NKAIN3: variants seen among roughly 807,000 people sequenced by gnomAD.
NKAIN3 encodes the protein sodium/potassium transporting ATPase interacting 3, also known as sodium/potassium-transporting ATPase subunit beta-1-interacting protein 3.
A neutral mutation model predicts 30.2 loss-of-function variants in NKAIN3; 25 were observed. The observed-to-expected ratio is 0.83, with a 90% CI of 0.60 to 1.16. NKAIN3 has a LOEUF of 1.16. Among genes scored for constraint, NKAIN3 ranks in the 50% most tolerant of loss-of-function variants. NKAIN3 has a pLI of 0.00. For synonymous variants in NKAIN3, 91 were observed against 89.6 expected, an observed-to-expected ratio of 1.02 and a Z score of -0.09; for missense variants, 225 against 254.1, an observed-to-expected ratio of 0.89 and a Z score of 0.78.
chr8:62,423,663 A>G (rs1254268100), intron 1 of NKAIN3, among the ~76,000 whole-genome samples: 2 of 151,784 alleles, frequency 1.3e-5, no homozygotes, highest in African/African-American at 4.8e-5. Flanking sequence ...AATTAAGATT[A>G]TTTTTCAGCT....
In NKAIN3 at chr8:62,898,695, G is replaced by A. The variant is rs186674697; in HGVS notation, c.472-19758G>A. On this transcript the variant is annotated intron_variant, in intron 4 of 6. Coordinates refer to ENST00000623646, the MANE Select transcript of NKAIN3 (RefSeq NM_001304533.3). Reference sequence around the variant, plus strand: ...GCAAAAATTTCTTGAACAATACCCCGCAAGCACAGGCAAACAAAGCAAAAA... The same window carrying A: ...GCAAAAATTTCTTGAACAATACCCCACAAGCACAGGCAAACAAAGCAAAAA... Among the ~76,000 whole-genome samples the A allele has an allele frequency of 1.5e-3, 235 of 152,146 alleles. 1 individual carries two copies. Among genetic ancestry groups the A allele is most frequent in the African/African-American group, 4.7e-3 (197 of 41,520 alleles).
chr8:62,632,433 A>G (rs1811990313), intron 3 of NKAIN3, among the ~76,000 whole-genome samples: 1 of 152,162 alleles, frequency 6.6e-6, no homozygotes, highest in Non-Finnish European at 1.5e-5. Flanking sequence ...CTGAGCAGAA[A>G]ACAAAGTTTC....
chr8:62,396,149 C>T (rs1817755389), intron 1 of NKAIN3, among the ~76,000 whole-genome samples: 1 of 152,036 alleles, frequency 6.6e-6, no homozygotes, highest in Non-Finnish European at 1.5e-5. Context: ...TTAATTATGT[C>T]TCTCTCACAC....
intron 1 of NKAIN3, among the ~76,000 whole-genome samples, chr8:62,407,599 A>T (rs1397709787): frequency 6.6e-6 from 1 of 151,732 alleles, no homozygotes; most frequent in East Asian, 1.9e-4. Flanking sequence ...TAATTTTGTA[A>T]ATTTTGTATT....
chr8:62,944,068 G>A (rs1186160654), intron 5 of NKAIN3, among the ~76,000 whole-genome samples: 2 of 151,898 alleles, frequency 1.3e-5, no homozygotes, highest in Non-Finnish European at 2.9e-5. Flanking sequence ...TATACTGCTT[G>A]GGTGATGGGT....
intron 1 of NKAIN3, among the ~76,000 whole-genome samples, chr8:62,468,248 G>T (rs566992742): frequency 9.2e-5 from 14 of 152,124 alleles, no homozygotes; most frequent in Non-Finnish European, 1.9e-4. Context: ...AATATAAACA[G>T]AAATTAGGAT....
At chr8:62,864,070 C>A in intron 4 of NKAIN3, 1 of 676,376 alleles carries the variant, frequency 1.5e-6, no homozygotes, top group South Asian at 1.6e-5. Context: ...CAACACTTTC[C>A]TGGAGCTCAT....
Position 62,913,155 on chromosome 8 carries a change from T to A in NKAIN3, c.472-5298T>A, listed in dbSNP as rs980113013. Among the ~76,000 whole-genome samples the A allele has an allele frequency of 3.5e-4, 6 of 17,368 alleles. No individual in the cohort carries two copies. In the African/African-American group the frequency reaches 4.0e-3, roughly 12 times the overall value. The allele number at this position is 17,368 out of a possible 152,430, so 11.4% of individuals were successfully genotyped here. A position where few individuals can be genotyped will look rare whatever the true frequency, so the allele number is the denominator to read the frequency against. On this transcript the variant is annotated intron_variant, in intron 4 of 6. Coordinates refer to ENST00000623646, the MANE Select transcript of NKAIN3 (RefSeq NM_001304533.3). Reference sequence around the variant, plus strand: ...CTGAGGCTGTTTTGCATTGAACATTTTTTTTTTTTAGATAGAAGGACTACA... The same window carrying A: ...CTGAGGCTGTTTTGCATTGAACATTATTTTTTTTTAGATAGAAGGACTACA...
chr8:62,735,982 C>T (rs1214189393), intron 3 of NKAIN3, among the ~76,000 whole-genome samples: 7 of 152,104 alleles, frequency 4.6e-5, no homozygotes, highest in Non-Finnish European at 8.8e-5. Context: ...CAAAGGGTTC[C>T]GTGATGTGAT....
chr8:62,729,026 A>ACC (rs1554571480), intron 3 of NKAIN3, among the ~76,000 whole-genome samples: 1 of 73,118 alleles, frequency 1.4e-5, no homozygotes, highest in African/African-American at 5.0e-5. Context: ...AAACAAACCA[A>ACC]AAAAAAAAAA....
At chr8:62,964,844 C>T (rs1271222022) in intron 6 of NKAIN3, among the ~76,000 whole-genome samples, 2 of 151,954 alleles carry the variant, frequency 1.3e-5, no homozygotes, top group Admixed American at 1.3e-4. Context: ...GAGAGGTAAA[C>T]TGAAGTTTTA....
rs1029418860 is a variant in NKAIN3, at chr8:62,248,861, G to C, written c.-213G>C. 2 of 520,276 alleles carry C rather than the reference G, an allele frequency of 3.8e-6. No homozygotes were observed. The highest frequency in any genetic ancestry group is 2.5e-5 in the South Asian group (1 of 39,300). The allele number at this position is 520,276 out of a possible 1,614,324, so 32.2% of individuals were successfully genotyped here. ...TGGGACGCAGGGACCCCCGCCAGAC[G>C]CTCGGGTCGTGCGCACCGCACTGAC... On this transcript the variant is annotated 5_prime_UTR_variant, in exon 1 of 7. Coordinates refer to ENST00000623646, the MANE Select transcript of NKAIN3 (RefSeq NM_001304533.3).
intron 4 of NKAIN3, among the ~76,000 whole-genome samples, chr8:62,867,001 G>A (rs1488226127): frequency 6.7e-6 from 1 of 150,274 alleles, no homozygotes; most frequent in Non-Finnish European, 1.5e-5. Context: ...CTTGCAGTGA[G>A]CCGAGATTGC....
At chr8:62,310,064 G>C (rs1464011194) in intron 1 of NKAIN3, among the ~76,000 whole-genome samples, 2 of 150,624 alleles carry the variant, frequency 1.3e-5, no homozygotes, top group Admixed American at 6.6e-5. Flanking sequence ...TGACCTAGTA[G>C]TGTAACTGGT....
intron 4 of NKAIN3, among the ~76,000 whole-genome samples, chr8:62,824,314 C>A (rs533522296): frequency 6.6e-6 from 1 of 152,256 alleles, no homozygotes; most frequent in African/African-American, 2.4e-5. Context: ...CATGCCACTA[C>A]ACCTACTACA....
intron 5 of NKAIN3, among the ~76,000 whole-genome samples, chr8:62,994,864 G>A (rs1340049578): frequency 5.3e-5 from 8 of 152,068 alleles, no homozygotes. Flanking sequence ...TTTTCAGCTT[G>A]GCTCAAGCTC....
chr8:62,851,297 C>T (rs1209796598), intron 4 of NKAIN3, among the ~76,000 whole-genome samples: 1 of 152,174 alleles, frequency 6.6e-6, no homozygotes, highest in East Asian at 1.9e-4. Flanking sequence ...GATTTTTGCA[C>T]ATTGATTTTG....
intron 4 of NKAIN3, among the ~76,000 whole-genome samples, chr8:62,823,654 C>T (rs78089150): frequency 0.028 from 4,196 of 152,218 alleles, 202 homozygotes; most frequent in African/African-American, 0.096. Flanking sequence ...TCAAGACAGC[C>T]ACTTTCTGTT....
At chr8:62,271,027 T>C (rs573465354) in intron 1 of NKAIN3, among the ~76,000 whole-genome samples, 50 of 152,306 alleles carry the variant, frequency 3.3e-4, no homozygotes, top group African/African-American at 1.2e-3. Flanking sequence ...TACATATTCA[T>C]CACATTTCTC....
Sources: allele counts gnomAD v4.1 joint callset (sites outside exome capture counted in the v4.1 genomes callset), GRCh38; gene constraint gnomAD v4.1.1; transcripts MANE v1.5; gene names NCBI Gene and HGNC (gene_info 2026-07-23, HGNC 2026-07-21).